Variants in CPNE4 observed in about 807,000 individuals in gnomAD.
CPNE4 encodes copine-4.
A neutral mutation model predicts 67.9 loss-of-function variants in CPNE4; 25 were observed. The observed-to-expected ratio is 0.37, with a 90% CI of 0.27 to 0.51. The LOEUF (loss-of-function observed/expected upper bound fraction) is 0.51, where lower values mean the gene tolerates loss of function less well. Among genes scored for constraint, CPNE4 ranks in the 20% least tolerant of loss-of-function variants. The pLI, the probability that CPNE4 is intolerant of heterozygous loss-of-function variation, is 0.93. For synonymous variants in CPNE4, 242 were observed against 244.9 expected (o/e 0.99, Z 0.11); for missense variants, 464 against 690.8 (o/e 0.67, Z 3.68).
At chr3:131,801,884 C>CAAAAAAAAAAAAAAAAAAAAAAAAAA (rs766283450) in intron 2 of CPNE4, among the ~76,000 whole-genome samples, 1 of 44,416 alleles carries the variant, frequency 2.3e-5, no homozygotes, top group Non-Finnish European at 4.2e-5. Flanking sequence ...AGCCAAATGC[C>CAAAAAAAAAAAAAAAAAAAAAAAAAA]AAAAAAAAAA....
At chr3:131,876,501 AT>A (rs1553794886) in intron 2 of CPNE4, among the ~76,000 whole-genome samples, 1 of 149,438 alleles carries the variant, frequency 6.7e-6, no homozygotes, top group Non-Finnish European at 1.5e-5. Flanking sequence ...GATTAGCCAG[AT>A]GTGGTGGCGG....
At chr3:132,037,670 A>C (rs1323288417), upstream of CPNE4, 2 of 1,449,046 alleles carry the variant, frequency 1.4e-6, no homozygotes, top group Admixed American at 3.9e-5. Context: ...CCCAAGTTGC[A>C]AAGGAAGCTT....
chr3:131,816,005 C>A (rs1423910641), intron 2 of CPNE4, among the ~76,000 whole-genome samples: 2 of 152,272 alleles, frequency 1.3e-5, no homozygotes, highest in African/African-American at 2.4e-5. Flanking sequence ...AAACTAAGTT[C>A]TTCCCATAGT....
intron 2 of CPNE4, among the ~76,000 whole-genome samples, chr3:131,775,890 G>A (rs1243314920): frequency 6.6e-6 from 1 of 152,178 alleles, no homozygotes; most frequent in Non-Finnish European, 1.5e-5. Flanking sequence ...AAGCCTTAGA[G>A]GGCAAAGCAC....
At chr3:131,866,715 C>A (rs1047824028) in intron 2 of CPNE4, among the ~76,000 whole-genome samples, 2 of 152,068 alleles carry the variant, frequency 1.3e-5, no homozygotes, top group Non-Finnish European at 2.9e-5. Context: ...GCTGAAGAAT[C>A]CAGGTTCAAA....
chr3:131,626,619 A>G (rs895408712), intron 7 of CPNE4, among the ~76,000 whole-genome samples: 3 of 152,250 alleles, frequency 2.0e-5, no homozygotes, highest in African/African-American at 7.2e-5. Flanking sequence ...CCATACCAGA[A>G]AAGTATAAAG....
At chr3:131,645,544 G>A (rs992724386) in intron 7 of CPNE4, among the ~76,000 whole-genome samples, 1 of 152,134 alleles carries the variant, frequency 6.6e-6, no homozygotes, top group Non-Finnish European at 1.5e-5. Context: ...ATTAATGATG[G>A]AGGTCCAGAG....
rs151264050 is a variant in CPNE4 at position 131,945,497 on chromosome 3, A to C, written c.-1-40053T>G. On this transcript the variant is annotated intron_variant, in intron 1 of 15. Coordinates refer to ENST00000429747, the MANE Select transcript of CPNE4 (RefSeq NM_130808.3). Reference sequence around the variant, plus strand: ...AACTAGAGATGGGTGATTCCAGCCCAATGCAGAACTCCTTTGATGAGCAGT... The same window carrying C: ...AACTAGAGATGGGTGATTCCAGCCCCATGCAGAACTCCTTTGATGAGCAGT... Among the ~76,000 whole-genome samples, 281 of 152,316 alleles carry C rather than the reference A, an allele frequency of 1.8e-3. 2 individuals carry two copies. Among genetic ancestry groups the C allele is most frequent in the African/African-American group, 6.6e-3 (273 of 41,568 alleles).
chr3:131,588,669 A>G (rs990910075), intron 7 of CPNE4, among the ~76,000 whole-genome samples: 1 of 152,080 alleles, frequency 6.6e-6, no homozygotes, highest in African/African-American at 2.4e-5. Flanking sequence ...TTCCCCCTAA[A>G]TTTATTCCTA....
At chr3:131,615,135 C>T (rs1291503399) in intron 7 of CPNE4, among the ~76,000 whole-genome samples, 2 of 152,156 alleles carry the variant, frequency 1.3e-5, no homozygotes, top group African/African-American at 4.8e-5. Flanking sequence ...TGACGATATG[C>T]TATTCCTAGG....
Position 131,535,228 on chromosome 3 carries a change from T to C in CPNE4, c.1641A>G (p.Glu547=), listed in dbSNP as rs1236535597. Residue 547 remains glutamate, a synonymous_variant, in exon 16 of 16, where the codon GAA becomes GAG. Coordinates refer to ENST00000429747, the MANE Select transcript of CPNE4 (RefSeq NM_130808.3). ...CTAGTGTTCTGGAAGATTCATACAT[T>C]TCTGATGAACATTTTGGTTTAATTC... is the stretch of plus-strand genomic sequence containing the variant. ...GKGIKPKCSS[E]MYESSRTLAP is the part of the protein sequence containing the mutation. The C allele has an allele frequency of 5.0e-6, 8 of 1,613,580 alleles. No homozygotes were observed. The African/African-American group carries it at 1.1e-4, about 22-fold the overall frequency.
At chr3:131,549,891 A>C in intron 14 of CPNE4, 56 bp downstream of exon 14, 1 of 1,596,782 alleles carries the variant, frequency 6.3e-7, no homozygotes, top group Non-Finnish European at 8.6e-7. Flanking sequence ...CTTACGGCCA[A>C]TATCCAGGTG....
chr3:131,768,936 ATT>A (rs908864429), intron 2 of CPNE4, among the ~76,000 whole-genome samples: 8 of 152,146 alleles, frequency 5.3e-5, no homozygotes, highest in African/African-American at 1.9e-4. Flanking sequence ...TGTTTTAAAT[ATT>A]TAATAGGCCT....
intron 1 of CPNE4, among the ~76,000 whole-genome samples, chr3:132,006,266 C>T (rs1389419294): frequency 6.6e-6 from 1 of 152,058 alleles, no homozygotes; most frequent in African/African-American, 2.4e-5. Context: ...CTGGACACAC[C>T]ACCATGGGCC....
At chr3:131,741,969 A>G (rs1297654066) in intron 2 of CPNE4, among the ~76,000 whole-genome samples, 3 of 151,974 alleles carry the variant, frequency 2.0e-5, no homozygotes, top group African/African-American at 7.3e-5. Context: ...TCTTTTTCAC[A>G]TTGTCTTTGT....
chr3:131,658,472 G>A (rs1350853004), intron 7 of CPNE4, among the ~76,000 whole-genome samples: 1 of 152,146 alleles, frequency 6.6e-6, no homozygotes, highest in Non-Finnish European at 1.5e-5. Context: ...ATGAGCTCAT[G>A]TTCCCAAGAA....
In CPNE4 at chr3:131,717,874, T is replaced by TTTTCTTTCTCTTTCTTTC. The variant is rs1553758856; in HGVS notation, c.360+5571_360+5572insGAAAGAAAGAGAAAGAAA. On this transcript the variant is annotated intron_variant, in intron 3 of 15. Coordinates refer to ENST00000429747, the MANE Select transcript of CPNE4 (RefSeq NM_130808.3). ...CCTCGCTCCCTCCTTTCTTTCTTTCTTTTCTTTCTTTCTTTCTTTCTTTCT... is the reference window on the plus strand; with the variant it reads ...CCTCGCTCCCTCCTTTCTTTCTTTCTTTTCTTTCTCTTTCTTTCTTTCTTTCTTTCTTTCTTTCTTTCT... 2.2e-4 allele frequency among the ~76,000 whole-genome samples: 21 copies of TTTTCTTTCTCTTTCTTTC among 97,060 alleles called. 1 individual carries two copies. The highest frequency in any genetic ancestry group is 8.9e-4 in the East Asian group (3 of 3,382). 63.7% of individuals were successfully genotyped at this position (97,060 alleles called of 152,430 possible).
At chr3:131,763,547 TGAG>T (rs375265824) in intron 2 of CPNE4, among the ~76,000 whole-genome samples, 4 of 152,214 alleles carry the variant, frequency 2.6e-5, no homozygotes, top group Non-Finnish European at 4.4e-5. Context: ...GGCTAGCTAA[TGAG>T]GAGATTATGA....
chr3:131,568,946 C>T (rs1425030794), intron 10 of CPNE4, among the ~76,000 whole-genome samples: 1 of 151,964 alleles, frequency 6.6e-6, no homozygotes, highest in Admixed American at 6.6e-5. Context: ...TCTTTCTTTT[C>T]TTTTTAAATA....
Sources: allele counts gnomAD v4.1 joint callset (sites outside exome capture counted in the v4.1 genomes callset), GRCh38; gene constraint gnomAD v4.1.1; transcripts MANE v1.5; gene names NCBI Gene and HGNC (gene_info 2026-07-23, HGNC 2026-07-21).